Variants in SAMMSON observed in about 807,000 individuals in gnomAD.
SAMMSON encodes the protein survival associated mitochondrial melanoma specific oncogenic non-coding RNA.
At chr3:70,287,947 C>CT (rs1240021811) in intron 6 of SAMMSON, among the ~76,000 whole-genome samples, 1 of 152,134 alleles carries the variant, frequency 6.6e-6, no homozygotes, top group Non-Finnish European at 1.5e-5. Context: ...ATTCTTCTCT[C>CT]TTTTTTTCTT....
At chr3:70,285,949 T>C (rs1702157845) in intron 6 of SAMMSON, among the ~76,000 whole-genome samples, 1 of 151,634 alleles carries the variant, frequency 6.6e-6, no homozygotes, top group African/African-American at 2.4e-5. Flanking sequence ...TTGTAGATTC[T>C]GGATATTAGC....
chr3:70,298,805 G>A (rs1702316996), intron 7 of SAMMSON, among the ~76,000 whole-genome samples: 1 of 152,172 alleles, frequency 6.6e-6, no homozygotes, highest in Non-Finnish European at 1.5e-5. Context: ...GATAGAAGAT[G>A]TACTGGATTT....
chr3:70,235,124 G>A (rs1277681458), intron 4 of SAMMSON, among the ~76,000 whole-genome samples: 2 of 152,182 alleles, frequency 1.3e-5, no homozygotes, highest in African/African-American at 4.8e-5. Context: ...TATTGGAGAA[G>A]AAGGGGCCCT....
At chr3:70,355,758 G>A (rs1189442432) in intron 8 of SAMMSON, among the ~76,000 whole-genome samples, 1 of 152,110 alleles carries the variant, frequency 6.6e-6, no homozygotes, top group Non-Finnish European at 1.5e-5. Context: ...AGTATCCACT[G>A]AACACTCAGC....
At chr3:70,069,065 G>A (rs1435448796) in intron 3 of SAMMSON, 4 of 152,012 alleles carry the variant, frequency 2.6e-5, no homozygotes, top group African/African-American at 9.7e-5. Flanking sequence ...CTAGTCCTTA[G>A]GTTTTCAAGA....
chr3:70,272,364 A>G (rs1403871426), intron 6 of SAMMSON: 1 of 152,128 alleles, frequency 6.6e-6, no homozygotes, highest in Non-Finnish European at 1.5e-5. Context: ...GATTTCATAC[A>G]CTATGTACTC....
chr3:70,034,641 C>G (rs537280890), intron 3 of SAMMSON, among the ~76,000 whole-genome samples: 1 of 152,148 alleles, frequency 6.6e-6, no homozygotes, highest in South Asian at 2.1e-4. Context: ...GTCAGGAGTT[C>G]GAGACCAGCC....
intron 4 of SAMMSON, among the ~76,000 whole-genome samples, chr3:70,104,920 T>C (rs1048056584): frequency 1.3e-5 from 2 of 152,176 alleles, no homozygotes; most frequent in Non-Finnish European, 2.9e-5. Flanking sequence ...CCTTCTAATG[T>C]AGGTTCTCAG....
At chr3:70,390,031 A>G (rs1399881541), downstream of SAMMSON, among the ~76,000 whole-genome samples, 1 of 152,146 alleles carries the variant, frequency 6.6e-6, no homozygotes, top group African/African-American at 2.4e-5. Context: ...TAGAAATAAC[A>G]TCAGCTTATC....
At chr3:70,267,737 C>T (rs561396430) in intron 6 of SAMMSON, among the ~76,000 whole-genome samples, 2 of 152,084 alleles carry the variant, frequency 1.3e-5, no homozygotes, top group Admixed American at 6.5e-5. Context: ...TTTTTAATGG[C>T]AGCTTCACAG....
At chr3:70,230,827 T>C (rs530628231) in intron 4 of SAMMSON, among the ~76,000 whole-genome samples, 53 of 152,288 alleles carry the variant, frequency 3.5e-4, no homozygotes, top group African/African-American at 1.2e-3. Flanking sequence ...AGGATGTTCA[T>C]GCCCATGCCA....
At chr3:70,277,093 G>T (rs1702034424) in intron 6 of SAMMSON, among the ~76,000 whole-genome samples, 1 of 152,048 alleles carries the variant, frequency 6.6e-6, no homozygotes, top group Non-Finnish European at 1.5e-5. Flanking sequence ...TTTCAATGAG[G>T]CGTGAGAAAC....
At chr3:70,197,177 C>T (rs1701190507) in intron 4 of SAMMSON, 1 of 398,390 alleles carries the variant, frequency 2.5e-6, no homozygotes, top group South Asian at 1.3e-4. Flanking sequence ...ATAAGGGAGG[C>T]ACACTCCTCT....
intron 4 of SAMMSON, among the ~76,000 whole-genome samples, chr3:70,124,836 A>AAAAAAAAC (rs1559519155): frequency 2.0e-5 from 3 of 148,898 alleles, no homozygotes; most frequent in African/African-American, 7.5e-5. Context: ...AAAAAAAAAA[A>AAAAAAAAC]AAAGAAAGAA....
At chr3:70,138,153 A>G (rs571659113) in intron 4 of SAMMSON, among the ~76,000 whole-genome samples, 7 of 152,346 alleles carry the variant, frequency 4.6e-5, no homozygotes, top group African/African-American at 1.4e-4. Context: ...AGTTTGTCAC[A>G]AAAAGTTTTT....
At chr3:70,377,828 G>A (rs375809043) in intron 9 of SAMMSON, among the ~76,000 whole-genome samples, 52 of 151,506 alleles carry the variant, frequency 3.4e-4, no homozygotes, top group African/African-American at 1.2e-3. Flanking sequence ...AATATGAATA[G>A]GCAATTGACA....
chr3:70,049,899 G>A (rs1341277042), intron 3 of SAMMSON, among the ~76,000 whole-genome samples: 3 of 152,050 alleles, frequency 2.0e-5, no homozygotes, highest in Non-Finnish European at 2.9e-5. Flanking sequence ...AGCTGAAAAC[G>A]TGCAATGACA....
At chr3:70,395,151 C>A (rs552977450) in intron 2 of SAMMSON, among the ~76,000 whole-genome samples, 1 of 152,110 alleles carries the variant, frequency 6.6e-6, no homozygotes, top group Non-Finnish European at 1.5e-5. Flanking sequence ...CAGGCCCACC[C>A]TGGGGAATGA....
chr3:70,264,290 A>G (rs566874354), intron 6 of SAMMSON, among the ~76,000 whole-genome samples: 1 of 152,196 alleles, frequency 6.6e-6, no homozygotes, highest in Non-Finnish European at 1.5e-5. Context: ...AGTTAAGTAT[A>G]CTTTTGCAAT....
Sources: gnomAD v4.1 joint callset for allele counts (sites outside exome capture counted in the v4.1 genomes callset) on GRCh38, gnomAD v4.1.1 for gene constraint, MANE v1.5 for transcripts, NCBI Gene and HGNC (gene_info 2026-07-23, HGNC 2026-07-21) for gene names.